The following RUNX2 variants were observed in gnomAD, a reference collection of about 807,000 sequenced individuals.
RUNX2 encodes the protein RUNX family transcription factor 2.
In RUNX2, 10 loss-of-function variants were observed where a neutral mutation model predicts 51.7. The observed-to-expected ratio is 0.19, with a 90% CI of 0.12 to 0.33. The LOEUF (loss-of-function observed/expected upper bound fraction) is 0.33, where lower values mean the gene tolerates loss of function less well. Ranked by LOEUF, RUNX2 falls within the 10% of genes least tolerant of loss-of-function variation. The pLI, the probability that RUNX2 is intolerant of heterozygous loss-of-function variation, is 1.00. For synonymous variants in RUNX2, 276 were observed against 273.6 expected (o/e 1.01, Z -0.09); for missense variants, 562 against 691.3 (o/e 0.81, Z 2.10).
chr6:45,522,667 G>C (rs1216937493), intron 7 of RUNX2, among the ~76,000 whole-genome samples: 1 of 152,202 alleles, frequency 6.6e-6, no homozygotes, highest in Non-Finnish European at 1.5e-5. Flanking sequence ...GCTCCTGCTA[G>C]ATTGAAGACT....
At chr6:45,433,133 T>C (rs1277104211) in intron 4 of RUNX2, among the ~76,000 whole-genome samples, 3 of 152,210 alleles carry the variant, frequency 2.0e-5, no homozygotes, top group East Asian at 1.9e-4. Flanking sequence ...CAAGAAGTTG[T>C]ACTTTTTAAC....
At chr6:45,459,579 A>G (rs1018892891) in intron 5 of RUNX2, among the ~76,000 whole-genome samples, 5 of 152,230 alleles carry the variant, frequency 3.3e-5, no homozygotes, top group African/African-American at 9.6e-5. Flanking sequence ...CATTCTTTCA[A>G]CAAGTGTTTA....
chr6:45,521,454 A>G (rs1801506387), intron 7 of RUNX2, among the ~76,000 whole-genome samples: 1 of 152,220 alleles, frequency 6.6e-6, no homozygotes, highest in African/African-American at 2.4e-5. Context: ...GCCAAAACAT[A>G]TTTTAGGTCC....
intron 3 of RUNX2, among the ~76,000 whole-genome samples, chr6:45,429,208 G>A (rs564024627): frequency 6.6e-6 from 1 of 152,246 alleles, no homozygotes; most frequent in African/African-American, 2.4e-5. Context: ...AAAAAGTGGA[G>A]CCTCTTGATT....
intron 5 of RUNX2, among the ~76,000 whole-genome samples, chr6:45,452,828 G>T (rs957188110): frequency 6.6e-6 from 1 of 152,326 alleles, no homozygotes. Context: ...GTGGTGCCAG[G>T]CTAGGGGAAA....
intron 6 of RUNX2, among the ~76,000 whole-genome samples, chr6:45,502,869 A>C (rs1157865635): frequency 6.6e-6 from 1 of 152,240 alleles, no homozygotes; most frequent in Admixed American, 6.5e-5. Context: ...AGCATGGCCC[A>C]GCAGGGTCAG....
intron 7 of RUNX2, among the ~76,000 whole-genome samples, chr6:45,514,670 C>T (rs1801264075): frequency 6.6e-6 from 1 of 152,184 alleles, no homozygotes; most frequent in South Asian, 2.1e-4. Context: ...CTCACCTGAC[C>T]TTGCCCTGGG....
chr6:45,344,385 T>G (rs1054748433), intron 2 of RUNX2, among the ~76,000 whole-genome samples: 1 of 152,132 alleles, frequency 6.6e-6, no homozygotes, highest in African/African-American at 2.4e-5. Context: ...CTATAAACAA[T>G]GTACTTTGTT....
intron 4 of RUNX2, among the ~76,000 whole-genome samples, chr6:45,436,411 G>C (rs1011737120): frequency 6.6e-6 from 1 of 152,092 alleles, no homozygotes; most frequent in African/African-American, 2.4e-5. Context: ...TGAGGCTTCA[G>C]CCTCCTTATT....
rs1224755713 is a variant in RUNX2 at position 45,549,215 on chromosome 6, AG to A, written c.*1911del. 6 of 398,522 alleles carry A rather than the reference AG, an allele frequency of 1.5e-5. No homozygotes were observed. Among genetic ancestry groups the A allele is most frequent in the Middle Eastern group, 6.3e-4 (1 of 1,588 alleles). 24.7% of individuals were successfully genotyped at this position (398,522 alleles called of 1,614,324 possible). Reference sequence around the variant, plus strand: ...CCAATCCCTGCTCTCCTCCCCGAAAAGTCAGGGTCCCTTCATTGGAATCCTC... The same window carrying A: ...CCAATCCCTGCTCTCCTCCCCGAAAATCAGGGTCCCTTCATTGGAATCCTC... On this transcript the variant is annotated 3_prime_UTR_variant, in exon 9 of 9. Transcript: ENST00000647337.
intron 2 of RUNX2, among the ~76,000 whole-genome samples, chr6:45,368,941 C>T (rs757547546): frequency 2.6e-5 from 4 of 151,996 alleles, no homozygotes; most frequent in Non-Finnish European, 5.9e-5. Context: ...AATCAGGTTA[C>T]ATCATGATCT....
chr6:45,339,465 T>A (rs1789309962), intron 2 of RUNX2, among the ~76,000 whole-genome samples: 1 of 152,186 alleles, frequency 6.6e-6, no homozygotes, highest in Admixed American at 6.5e-5. Context: ...TAAACATTTG[T>A]AAAGCTTGTT....
rs73735399 is a variant in RUNX2 at position 45,378,530 on chromosome 6, A to G, written c.59-44063A>G. ...TCTTACGCCGCTTCCGCGCGCCATC[A>G]CTCCCTACCCTGACCTCGCACAGAA... On this transcript the variant is annotated intron_variant, in intron 2 of 8. Coordinates refer to ENST00000647337, the MANE Select transcript of RUNX2 (RefSeq NM_001024630.4). Among the ~76,000 whole-genome samples, 920 of 151,940 alleles carry G rather than the reference A, an allele frequency of 6.1e-3. 14 individuals carry two copies. The highest frequency in any genetic ancestry group is 0.021 in the African/African-American group (878 of 41,434).
At chr6:45,346,823 C>CG (rs768103911) in intron 2 of RUNX2, among the ~76,000 whole-genome samples, 1 of 152,174 alleles carries the variant, frequency 6.6e-6, no homozygotes, top group South Asian at 2.1e-4. Context: ...CCTTGGCCCC[C>CG]CAAAGTGCTA....
chr6:45,412,764 A>G (rs2150357380), intron 2 of RUNX2, among the ~76,000 whole-genome samples: 1 of 151,324 alleles, frequency 6.6e-6, no homozygotes, highest in South Asian at 2.1e-4. Context: ...CTTATTTCTG[A>G]GACGGAGTCT....
At chr6:45,473,349 T>C (rs897333184) in intron 5 of RUNX2, among the ~76,000 whole-genome samples, 6 of 151,892 alleles carry the variant, frequency 4.0e-5, no homozygotes, top group Admixed American at 2.6e-4. Flanking sequence ...CCAGTTCGTG[T>C]GTATGTGCGC....
intron 2 of RUNX2, among the ~76,000 whole-genome samples, chr6:45,390,065 T>C (rs1259446503): frequency 6.6e-6 from 1 of 151,856 alleles, no homozygotes; most frequent in Non-Finnish European, 1.5e-5. Context: ...GGAAAAGAAA[T>C]AGGTCAGGCT....
At chr6:45,523,630 G>A (rs1455758870) in intron 7 of RUNX2, among the ~76,000 whole-genome samples, 4 of 151,368 alleles carry the variant, frequency 2.6e-5, no homozygotes, top group African/African-American at 7.3e-5. Flanking sequence ...GTTATAAGGG[G>A]AAATCTTAGA....
chr6:45,549,694 C>T lies in RUNX2; in HGVS notation c.*2389C>T. ...TGACATAAAAATGCTACCGCCAGTG[C>T]CAGCTGCATCCTATTTAATTAAAAA... On this transcript the variant is annotated 3_prime_UTR_variant, in exon 9 of 9. Transcript: ENST00000647337. 1 of 255,022 alleles carries T rather than the reference C, an allele frequency of 3.9e-6. No homozygotes were observed. Among genetic ancestry groups the T allele is most frequent in the Non-Finnish European group, 7.4e-6 (1 of 135,922 alleles). 15.8% of individuals were successfully genotyped at this position (255,022 alleles called of 1,614,324 possible). A position where few individuals can be genotyped will look rare whatever the true frequency, so the allele number is the denominator to read the frequency against.
Sources: gnomAD v4.1 joint callset for allele counts (sites outside exome capture counted in the v4.1 genomes callset) on GRCh38, gnomAD v4.1.1 for gene constraint, MANE v1.5 for transcripts, NCBI Gene and HGNC (gene_info 2026-07-23, HGNC 2026-07-21) for gene names.